Variants in RSPO2 observed in about 807,000 individuals in gnomAD.
RSPO2 encodes the protein R-spondin-2.
A neutral mutation model predicts 30.9 loss-of-function variants in RSPO2; 14 were observed. That is an observed-to-expected ratio of 0.45 (90% confidence interval 0.30 to 0.71). RSPO2 has a LOEUF of 0.71. Among genes scored for constraint, RSPO2 ranks in the 30% least tolerant of loss-of-function variants. RSPO2 has a pLI of 0.08. For synonymous variants in RSPO2, 107 were observed against 96.4 expected, an observed-to-expected ratio of 1.11 and a Z score of -0.64; for missense variants, 264 against 301.9, an observed-to-expected ratio of 0.87 and a Z score of 0.93.
chr8:108,003,596 T>A (rs954401793), intron 2 of RSPO2, among the ~76,000 whole-genome samples: 1 of 151,884 alleles, frequency 6.6e-6, no homozygotes, highest in Non-Finnish European at 1.5e-5. Context: ...ATTGCTTAAC[T>A]ATCCTTACTC....
intron 5 of RSPO2, among the ~76,000 whole-genome samples, chr8:107,916,447 AC>A (rs1412946209): frequency 6.6e-6 from 1 of 152,200 alleles, no homozygotes; most frequent in Non-Finnish European, 1.5e-5. Flanking sequence ...TCAGGTTTTC[AC>A]CGAAAATAAA....
intron 2 of RSPO2, among the ~76,000 whole-genome samples, chr8:108,057,292 A>G (rs1812286043): frequency 6.6e-6 from 1 of 152,146 alleles, no homozygotes; most frequent in African/African-American, 2.4e-5. Context: ...CTTTATATTT[A>G]TGTAGAAGGG....
intron 2 of RSPO2, among the ~76,000 whole-genome samples, chr8:108,006,751 G>A (rs892484556): frequency 2.6e-5 from 4 of 152,050 alleles, no homozygotes; most frequent in Non-Finnish European, 4.4e-5. Flanking sequence ...CACCTTACCT[G>A]GTGTAAGTCA....
chr8:107,992,132 C>T (rs910653753), intron 2 of RSPO2, among the ~76,000 whole-genome samples: 2 of 150,338 alleles, frequency 1.3e-5, no homozygotes, highest in Non-Finnish European at 3.0e-5. Flanking sequence ...ATGGAATCAA[C>T]TTAGGTACCC....
intron 2 of RSPO2, among the ~76,000 whole-genome samples, chr8:107,991,822 A>C (rs1814856894): frequency 6.6e-6 from 1 of 152,208 alleles, no homozygotes; most frequent in South Asian, 2.1e-4. Context: ...TGCAAATAAG[A>C]AATCACAATG....
At chr8:108,039,705 C>A (rs1811696329) in intron 2 of RSPO2, among the ~76,000 whole-genome samples, 1 of 152,148 alleles carries the variant, frequency 6.6e-6, no homozygotes, top group African/African-American at 2.4e-5. Flanking sequence ...TCCCATCAAC[C>A]TTAGGAGCAT....
chr8:107,952,841 A>G (rs1813300982), intron 5 of RSPO2, among the ~76,000 whole-genome samples: 1 of 152,180 alleles, frequency 6.6e-6, no homozygotes, highest in South Asian at 2.1e-4. Flanking sequence ...TTAAAAGTAG[A>G]TTTTTGCAGA....
chr8:107,917,582 T>C (rs1412195907), intron 5 of RSPO2, among the ~76,000 whole-genome samples: 1 of 152,210 alleles, frequency 6.6e-6, no homozygotes, highest in African/African-American at 2.4e-5. Context: ...AATTATTAAG[T>C]ATGTCATTTT....
chr8:108,030,002 A>C (rs989050021), intron 2 of RSPO2, among the ~76,000 whole-genome samples: 52 of 152,170 alleles, frequency 3.4e-4, no homozygotes, highest in Non-Finnish European at 3.2e-4. Flanking sequence ...CCAGAGTTCA[A>C]ACATTTTTTT....
chr8:108,028,581 G>T (rs1460171807), intron 2 of RSPO2, among the ~76,000 whole-genome samples: 2 of 152,146 alleles, frequency 1.3e-5, no homozygotes, highest in African/African-American at 4.8e-5. Context: ...AACTGTGCAT[G>T]GTAGACCAGC....
intron 3 of RSPO2, among the ~76,000 whole-genome samples, chr8:107,982,868 C>G (rs1283723152): frequency 2.6e-5 from 4 of 152,122 alleles, no homozygotes; most frequent in Non-Finnish European, 4.4e-5. Context: ...ACTGGCTTTT[C>G]CTTGCTTTCT....
chr8:108,015,976 C>T (rs1485787470), intron 2 of RSPO2, among the ~76,000 whole-genome samples: 9 of 152,076 alleles, frequency 5.9e-5, no homozygotes, highest in South Asian at 2.1e-4. Flanking sequence ...ACTATTCCAG[C>T]GGAGGCACAA....
At chr8:107,919,457 G>A (rs1190653140) in intron 5 of RSPO2, among the ~76,000 whole-genome samples, 1 of 152,126 alleles carries the variant, frequency 6.6e-6, no homozygotes, top group Admixed American at 6.6e-5. Flanking sequence ...GACTGCCTTT[G>A]TAAGACCAAG....
At chr8:107,997,740 T>G (rs1815080604) in intron 2 of RSPO2, among the ~76,000 whole-genome samples, 1 of 152,234 alleles carries the variant, frequency 6.6e-6, no homozygotes, top group Non-Finnish European at 1.5e-5. Context: ...ATTAGTTGAT[T>G]TGTGTTCCCC....
chr8:108,081,171 T>C (rs1813181909), intron 2 of RSPO2, among the ~76,000 whole-genome samples: 1 of 151,998 alleles, frequency 6.6e-6, no homozygotes, highest in African/African-American at 2.4e-5. Context: ...CAGAGACAAT[T>C]GAAGCGCAGG....
intron 5 of RSPO2, among the ~76,000 whole-genome samples, chr8:107,911,142 G>A (rs1811812292): frequency 6.6e-6 from 1 of 152,112 alleles, no homozygotes; most frequent in South Asian, 2.1e-4. Flanking sequence ...CTTCAGCTTT[G>A]TACATGGTCT....
rs188156612 is a variant in RSPO2 at position 108,060,463 on chromosome 8, C to T, written c.94+22082G>A. Among the ~76,000 whole-genome samples, 39 of 151,108 alleles carry T rather than the reference C, an allele frequency of 2.6e-4. 1 individual carries two copies. The highest frequency in any genetic ancestry group is 1.9e-3 in the East Asian group (10 of 5,146). ...TGAAGATGAAATGAATGAAATGAAGCGAGAAGAGAAGTTTAGAGAAAAAAA... is the reference window on the plus strand; with the variant it reads ...TGAAGATGAAATGAATGAAATGAAGTGAGAAGAGAAGTTTAGAGAAAAAAA... On this transcript the variant is annotated intron_variant, in intron 2 of 5. Coordinates refer to ENST00000276659, the MANE Select transcript of RSPO2 (RefSeq NM_178565.5).
intron 2 of RSPO2, among the ~76,000 whole-genome samples, chr8:108,075,295 A>G (rs1812976033): frequency 6.6e-6 from 1 of 152,212 alleles, no homozygotes; most frequent in Non-Finnish European, 1.5e-5. Context: ...AGCCTGGCCA[A>G]CATGGCAAAA....
intron 2 of RSPO2, among the ~76,000 whole-genome samples, chr8:108,005,916 G>A (rs1208650875): frequency 6.6e-6 from 1 of 152,080 alleles, no homozygotes; most frequent in South Asian, 2.1e-4. Context: ...ATACACCTTG[G>A]CTGATTGTAT....
Sources: gnomAD v4.1 joint callset for allele counts (sites outside exome capture counted in the v4.1 genomes callset) on GRCh38, gnomAD v4.1.1 for gene constraint, MANE v1.5 for transcripts, NCBI Gene and HGNC (gene_info 2026-07-23, HGNC 2026-07-21) for gene names.